Variants in B3GALT1 observed in about 807,000 individuals in gnomAD.
B3GALT1 encodes the protein UDP-Gal:betaGlcNAc beta 1,3-galactosyltransferase, polypeptide 1.
Under a neutral mutation model 23.2 loss-of-function variants are expected in B3GALT1, and 10 were observed. That is an observed-to-expected ratio of 0.43 (90% confidence interval 0.27 to 0.73). The LOEUF (loss-of-function observed/expected upper bound fraction) is 0.73, where lower values mean the gene tolerates loss of function less well. Ranked by LOEUF, B3GALT1 falls within the 30% of genes least tolerant of loss-of-function variation. The pLI, the probability that B3GALT1 is intolerant of heterozygous loss-of-function variation, is 0.21. For synonymous variants in B3GALT1, 156 were observed against 141.5 expected (o/e 1.10, Z -0.73); for missense variants, 299 against 405.4 (o/e 0.74, Z 2.25).
At chr2:167,742,152 T>C (rs1475912360) in intron 3 of B3GALT1, among the ~76,000 whole-genome samples, 1 of 152,226 alleles carries the variant, frequency 6.6e-6, no homozygotes, top group Non-Finnish European at 1.5e-5. Context: ...AAGGTCACTT[T>C]ACTATATCAG....
At chr2:167,347,530 G>A (rs928103105) in intron 1 of B3GALT1, among the ~76,000 whole-genome samples, 1 of 152,116 alleles carries the variant, frequency 6.6e-6, no homozygotes, top group Non-Finnish European at 1.5e-5. Flanking sequence ...GCATCAGCAG[G>A]TTTCATTTGT....
At chr2:167,810,005 C>T (rs113871727) in intron 3 of B3GALT1, among the ~76,000 whole-genome samples, 5,001 of 152,230 alleles carry the variant, frequency 0.033, 120 homozygotes, top group South Asian at 0.069. Flanking sequence ...CCCCCAGCCT[C>T]GCTGCCACCT....
intron 2 of B3GALT1, among the ~76,000 whole-genome samples, chr2:167,547,339 G>A (rs1047122286): frequency 6.6e-6 from 1 of 152,112 alleles, no homozygotes; most frequent in Non-Finnish European, 1.5e-5. Context: ...TTATCTTCTT[G>A]GGATACCAAC....
intron 1 of B3GALT1, among the ~76,000 whole-genome samples, chr2:167,444,356 T>G (rs1292505069): frequency 2.0e-5 from 3 of 152,216 alleles, no homozygotes; most frequent in African/African-American, 7.2e-5. Context: ...CGCCAGGCTT[T>G]GGTATCAGGA....
chr2:167,633,365 C>T (rs1479704867), intron 2 of B3GALT1, among the ~76,000 whole-genome samples: 1 of 151,870 alleles, frequency 6.6e-6, no homozygotes, highest in African/African-American at 2.4e-5. Context: ...AAGACACAGA[C>T]TGGCAACTTG....
chr2:167,355,712 T>TA (rs557468543), intron 1 of B3GALT1, among the ~76,000 whole-genome samples: 67 of 152,300 alleles, frequency 4.4e-4, no homozygotes, highest in African/African-American at 1.6e-3. Flanking sequence ...TTATGACTTT[T>TA]AAAAAAATCC....
chr2:167,601,777 A>G (rs1449743414), intron 2 of B3GALT1, among the ~76,000 whole-genome samples: 8 of 152,172 alleles, frequency 5.3e-5, no homozygotes, highest in African/African-American at 1.9e-4. Context: ...GACTAGTGAC[A>G]CCAAATAAAA....
intron 4 of B3GALT1, among the ~76,000 whole-genome samples, chr2:167,827,982 G>A (rs1387919787): frequency 6.6e-6 from 1 of 152,262 alleles, no homozygotes; most frequent in South Asian, 2.1e-4. Flanking sequence ...TGCCCTCTTA[G>A]GGTAGGTTGC....
chr2:167,798,851 G>T (rs149906110), intron 3 of B3GALT1, among the ~76,000 whole-genome samples: 83 of 152,196 alleles, frequency 5.5e-4, no homozygotes, highest in Admixed American at 1.0e-3. Flanking sequence ...CCTTAAATAT[G>T]CCATCGTTAT....
intron 2 of B3GALT1, among the ~76,000 whole-genome samples, chr2:167,565,644 C>T (rs550815823): frequency 1.1e-4 from 16 of 152,238 alleles, no homozygotes; most frequent in African/African-American, 3.9e-4. Context: ...CTACAATGAA[C>T]TCAAACAAAT....
intron 1 of B3GALT1, among the ~76,000 whole-genome samples, chr2:167,345,101 A>G (rs896919214): frequency 1.4e-4 from 22 of 152,346 alleles, no homozygotes; most frequent in African/African-American, 4.6e-4. Context: ...AGTGCTAAGT[A>G]AATGATGGCC....
At chr2:167,844,532 C>T (rs1010680301) in intron 4 of B3GALT1, among the ~76,000 whole-genome samples, 4 of 152,144 alleles carry the variant, frequency 2.6e-5, no homozygotes, top group African/African-American at 9.7e-5. Context: ...TTACCTGGAG[C>T]AGAGTCAATT....
At chr2:167,772,124 T>C (rs1196749667) in intron 3 of B3GALT1, among the ~76,000 whole-genome samples, 5 of 118,548 alleles carry the variant, frequency 4.2e-5, no homozygotes, top group Non-Finnish European at 9.3e-5. Flanking sequence ...AGACATTATG[T>C]TGGTAAACTA....
chr2:167,664,890 C>T (rs1395591030), intron 3 of B3GALT1, among the ~76,000 whole-genome samples: 2 of 149,698 alleles, frequency 1.3e-5, no homozygotes, highest in African/African-American at 4.9e-5. Context: ...TCTAGATATA[C>T]AATCATGTCG....
chr2:167,357,561 T>G (rs922334468), intron 1 of B3GALT1, among the ~76,000 whole-genome samples: 60 of 152,276 alleles, frequency 3.9e-4, no homozygotes, highest in African/African-American at 1.3e-3. Flanking sequence ...TTCCTCTTTT[T>G]GAAAATCCCT....
chr2:167,817,450 A>G (rs1358461424), intron 3 of B3GALT1, among the ~76,000 whole-genome samples: 1 of 152,214 alleles, frequency 6.6e-6, no homozygotes, highest in Non-Finnish European at 1.5e-5. Context: ...AGGTACCGTC[A>G]TCATGATTTT....
chr2:167,562,853 T>G (rs1407084636), intron 2 of B3GALT1, among the ~76,000 whole-genome samples: 2 of 151,872 alleles, frequency 1.3e-5, no homozygotes, highest in Non-Finnish European at 2.9e-5. Flanking sequence ...TGATGACTCT[T>G]AAGGAGCATG....
chr2:167,359,532 T>A (rs1174940865), intron 1 of B3GALT1, among the ~76,000 whole-genome samples: 1 of 152,186 alleles, frequency 6.6e-6, no homozygotes, highest in Non-Finnish European at 1.5e-5. Flanking sequence ...ATACAGGATA[T>A]CCATAGATCA....
chr2:167,595,063 G>C lies in B3GALT1; in HGVS notation c.-409-51846G>C, dbSNP rs1369200093. 8.5e-5 allele frequency among the ~76,000 whole-genome samples: 13 copies of C among 152,090 alleles called. No individual in the cohort carries two copies. The East Asian group carries it at 2.5e-3, about 29-fold the overall frequency. Reference sequence around the variant, plus strand: ...GGAGCCAAGTATTTGCTTCTAACTGGGTACACTTCTAGGGTGAACATTTGA... The same window carrying C: ...GGAGCCAAGTATTTGCTTCTAACTGCGTACACTTCTAGGGTGAACATTTGA... On this transcript the variant is annotated intron_variant, in intron 2 of 4. Transcript: ENST00000392690.
Sources: allele counts gnomAD v4.1 joint callset (sites outside exome capture counted in the v4.1 genomes callset), GRCh38; gene constraint gnomAD v4.1.1; transcripts MANE v1.5; gene names NCBI Gene and HGNC (gene_info 2026-07-23, HGNC 2026-07-21).